Variants in ELP4 observed in about 807,000 individuals in gnomAD.
ELP4 encodes elongator acetyltransferase complex subunit 4.
Under a neutral mutation model 48.9 loss-of-function variants are expected in ELP4, and 51 were observed. The ratio of observed to expected loss-of-function variants is 1.04; its 90% CI spans 0.83 to 1.32. The LOEUF is 1.32. ELP4 is among the 40% of genes most tolerant of loss of function. The pLI is 0.00. For synonymous variants in ELP4, 210 were observed against 189.2 expected (o/e 1.11, Z -0.90); for missense variants, 519 against 514.6 (o/e 1.01, Z -0.08).
chr11:31,565,296 G>C (rs1178464361), intron 3 of ELP4, among the ~76,000 whole-genome samples: 1 of 151,938 alleles, frequency 6.6e-6, no homozygotes, highest in Non-Finnish European at 1.5e-5. Context: ...TGAGTAGATT[G>C]CAAAAATTTT....
intron 3 of ELP4, among the ~76,000 whole-genome samples, chr11:31,569,760 T>C (rs1565058644): frequency 1.3e-5 from 2 of 151,946 alleles, no homozygotes; most frequent in South Asian, 2.1e-4. Flanking sequence ...CCAACAAACA[T>C]GAAAAAATGC....
chr11:31,754,548 G>T (rs2134244053), intron 9 of ELP4, among the ~76,000 whole-genome samples: 1 of 152,036 alleles, frequency 6.6e-6, no homozygotes, highest in South Asian at 2.1e-4. Context: ...TCTCAGAAAG[G>T]CTTTCCCTGA....
At position 31,524,022 on chromosome 11, in the gene ELP4, A is replaced by G. The variant is rs1483391689; in HGVS notation, c.259+3931A>G. Reference sequence around the variant, plus strand: ...ATTAAAATAATAGGTGACATTTATCAATGTGTTTTTTTAAAATAATCTTTT... The same window carrying G: ...ATTAAAATAATAGGTGACATTTATCGATGTGTTTTTTTAAAATAATCTTTT... On this transcript the variant is annotated intron_variant, in intron 2 of 9. Coordinates refer to ENST00000640961, the MANE Select transcript of ELP4 (RefSeq NM_019040.5). 1.1e-4 allele frequency among the ~76,000 whole-genome samples: 16 copies of G among 152,100 alleles called. 1 individual carries two copies. The highest frequency in any genetic ancestry group is 2.9e-5 in the Non-Finnish European group (2 of 68,014).
At chr11:31,698,070 A>G (rs992123850) in intron 9 of ELP4, among the ~76,000 whole-genome samples, 1 of 152,144 alleles carries the variant, frequency 6.6e-6, no homozygotes, top group Non-Finnish European at 1.5e-5. Flanking sequence ...TGGCATTTGA[A>G]CAGCTGTTAT....
chr11:31,569,780 C>T (rs968983486), intron 3 of ELP4, among the ~76,000 whole-genome samples: 2 of 152,114 alleles, frequency 1.3e-5, no homozygotes, highest in African/African-American at 4.8e-5. Flanking sequence ...CTCATCATCA[C>T]GAATCATCAG....
intron 4 of ELP4, chr11:31,600,278 T>A (rs1034312223): frequency 3.3e-5 from 5 of 152,184 alleles, no homozygotes; most frequent in Non-Finnish European, 7.4e-5. Context: ...TATCTTATAA[T>A]CATCAACCAC....
In ELP4 at chr11:31,553,126, T is replaced by C. The variant is rs560245634; in HGVS notation, c.381+13343T>C. On this transcript the variant is annotated intron_variant, in intron 3 of 9. Coordinates refer to ENST00000640961, the MANE Select transcript of ELP4 (RefSeq NM_019040.5). ...TCCATAACCTTACTGTCACCTGATA[T>C]GCTTTATAATTTACTTCTGTATTAG... Among the ~76,000 whole-genome samples, 6 of 152,338 alleles carry C rather than the reference T, an allele frequency of 3.9e-5. No individual in the cohort carries two copies. In the East Asian group the frequency reaches 7.7e-4, roughly 20 times the overall value.
chr11:31,769,899 A>G (rs578061307), intron 9 of ELP4, among the ~76,000 whole-genome samples: 29 of 152,312 alleles, frequency 1.9e-4, no homozygotes, highest in African/African-American at 7.0e-4. Flanking sequence ...GTGTGTTCCT[A>G]AAATATATTA....
intron 3 of ELP4, among the ~76,000 whole-genome samples, chr11:31,566,156 G>C (rs143520935): frequency 6.6e-6 from 1 of 151,984 alleles, no homozygotes; most frequent in Non-Finnish European, 1.5e-5. Flanking sequence ...TCAGGAGTTC[G>C]AGACCAGCCT....
chr11:31,553,539 T>C (rs536224260), intron 3 of ELP4, among the ~76,000 whole-genome samples: 103 of 152,256 alleles, frequency 6.8e-4, no homozygotes, highest in African/African-American at 2.4e-3. Flanking sequence ...GTCTTGAGCC[T>C]GCCAGCCTGC....
chr11:31,622,298 A>C (rs527529511), intron 5 of ELP4, among the ~76,000 whole-genome samples: 2 of 151,732 alleles, frequency 1.3e-5, no homozygotes, highest in Non-Finnish European at 2.9e-5. Flanking sequence ...TGGTGGTGGC[A>C]GTGTTGTATA....
At chr11:31,582,974 C>T (rs1313536800) in intron 3 of ELP4, among the ~76,000 whole-genome samples, 1 of 152,152 alleles carries the variant, frequency 6.6e-6, no homozygotes, top group Non-Finnish European at 1.5e-5. Context: ...ATCCTATCTT[C>T]AAAGTGATGT....
intron 9 of ELP4, chr11:31,687,620 G>A (rs1324753503): frequency 6.6e-6 from 1 of 152,090 alleles, no homozygotes; most frequent in Non-Finnish European, 1.5e-5. Context: ...TGAATGGGAG[G>A]TAAGGAAATA....
At chr11:31,589,760 C>T (rs1262967723) in intron 3 of ELP4, among the ~76,000 whole-genome samples, 2 of 152,090 alleles carry the variant, frequency 1.3e-5, no homozygotes, top group African/African-American at 2.4e-5. Flanking sequence ...TCAGAAAGGC[C>T]ATCCTTTACT....
intron 3 of ELP4, among the ~76,000 whole-genome samples, chr11:31,592,828 T>A (rs1957605980): frequency 6.6e-6 from 1 of 152,132 alleles, no homozygotes; most frequent in African/African-American, 2.4e-5. Context: ...TTAGATAAGT[T>A]AAACATATTA....
At chr11:31,624,971 T>C (rs371465564) in intron 5 of ELP4, among the ~76,000 whole-genome samples, 1 of 151,422 alleles carries the variant, frequency 6.6e-6, no homozygotes, top group African/African-American at 2.4e-5. Context: ...AATGCCTTCT[T>C]CTGGACTACC....
At chr11:31,689,886 A>C (rs1475751527) in intron 9 of ELP4, among the ~76,000 whole-genome samples, 1 of 152,110 alleles carries the variant, frequency 6.6e-6, no homozygotes, top group Admixed American at 6.6e-5. Flanking sequence ...ACTCAGGCAA[A>C]GAAGCATTGC....
chr11:31,630,336 A>AT (rs538254633), intron 6 of ELP4, among the ~76,000 whole-genome samples: 10,615 of 117,960 alleles, frequency 0.09, 516 homozygotes, highest in Non-Finnish European at 0.12. Context: ...TCTCCTTTTC[A>AT]TTTTTTTTTT....
At chr11:31,702,502 CAGTACT>C (rs1946547177) in intron 9 of ELP4, among the ~76,000 whole-genome samples, 1 of 151,846 alleles carries the variant, frequency 6.6e-6, no homozygotes, top group Non-Finnish European at 1.5e-5. Context: ...ATGTACAGTT[CAGTACT>C]TAATGCCACT....
Sources: gnomAD v4.1 joint callset for allele counts (sites outside exome capture counted in the v4.1 genomes callset) on GRCh38, gnomAD v4.1.1 for gene constraint, MANE v1.5 for transcripts, NCBI Gene and HGNC (gene_info 2026-07-23, HGNC 2026-07-21) for gene names.